The following PARD3 variants were observed in gnomAD, a reference collection of about 807,000 sequenced individuals.
The protein encoded by PARD3 is par-3 family cell polarity regulator.
PARD3 carries 75 observed loss-of-function variants against 155.4 expected under a neutral mutation model. The ratio of observed to expected loss-of-function variants is 0.48; its 90% confidence interval spans 0.40 to 0.58. The LOEUF (loss-of-function observed/expected upper bound fraction) is 0.58. Among genes scored for constraint, PARD3 ranks in the 20% least tolerant of loss-of-function variants. The pLI is 0.00. For synonymous variants in PARD3, 576 were observed against 610.5 expected, an observed-to-expected ratio of 0.94 and a Z score of 0.83; for missense variants, 1,642 against 1,721.7, an observed-to-expected ratio of 0.95 and a Z score of 0.82.
intron 5 of PARD3, among the ~76,000 whole-genome samples, chr10:34,428,326 A>T (rs926239520): frequency 6.6e-6 from 1 of 152,190 alleles, no homozygotes; most frequent in Non-Finnish European, 1.5e-5. Context: ...TCATCTACTC[A>T]CAAATACCTA....
At chr10:34,334,548 G>A (rs1209169397) in intron 18 of PARD3, among the ~76,000 whole-genome samples, 5 of 151,558 alleles carry the variant, frequency 3.3e-5, no homozygotes, top group South Asian at 4.1e-4. Context: ...GTGAAGTGAC[G>A]AAAGAAAAAT....
At chr10:34,773,170 A>G (rs1326462612) in intron 1 of PARD3, among the ~76,000 whole-genome samples, 1 of 152,238 alleles carries the variant, frequency 6.6e-6, no homozygotes, top group Non-Finnish European at 1.5e-5. Flanking sequence ...ATAAACAAAA[A>G]AAGAGAAAAT....
chr10:34,149,632 A>T (rs1207979065), intron 22 of PARD3, among the ~76,000 whole-genome samples: 1 of 152,198 alleles, frequency 6.6e-6, no homozygotes, highest in Non-Finnish European at 1.5e-5. Context: ...GCTACAGATG[A>T]TCTCACGTTT....
At chr10:34,216,469 C>G (rs921718622) in intron 22 of PARD3, among the ~76,000 whole-genome samples, 3 of 152,108 alleles carry the variant, frequency 2.0e-5, no homozygotes, top group Non-Finnish European at 2.9e-5. Context: ...GCTTGGAGTC[C>G]CCAATTTCAC....
chr10:34,340,193 T>G (rs1316853979), intron 16 of PARD3, among the ~76,000 whole-genome samples: 1 of 152,200 alleles, frequency 6.6e-6, no homozygotes, highest in Non-Finnish European at 1.5e-5. Context: ...CTATCCCTTC[T>G]ACTTATTTAT....
At chr10:34,684,878 T>C (rs7914407) in intron 2 of PARD3, among the ~76,000 whole-genome samples, 1,942 of 137,716 alleles carry the variant, frequency 0.014, 29 homozygotes, top group African/African-American at 0.034. Context: ...TACACACACA[T>C]ACACACACAC....
At chr10:34,639,985 A>ACAT (rs1278538278) in intron 2 of PARD3, among the ~76,000 whole-genome samples, 1 of 152,230 alleles carries the variant, frequency 6.6e-6, no homozygotes, top group Non-Finnish European at 1.5e-5. Flanking sequence ...TTACATACAA[A>ACAT]CATAGATAAA....
At chr10:34,159,176 T>C (rs978669683) in intron 22 of PARD3, among the ~76,000 whole-genome samples, 2 of 152,228 alleles carry the variant, frequency 1.3e-5, no homozygotes, top group Non-Finnish European at 2.9e-5. Flanking sequence ...GGCAAGAATC[T>C]AGTTCATTCT....
intron 2 of PARD3, among the ~76,000 whole-genome samples, chr10:34,627,565 C>T (rs776738043): frequency 2.0e-5 from 3 of 152,170 alleles, no homozygotes; most frequent in Non-Finnish European, 4.4e-5. Flanking sequence ...TGTGCAGACA[C>T]ACAGGGAGAA....
At position 34,510,271 on chromosome 10, in the gene PARD3, C is replaced by G. The variant is rs1182285787; in HGVS notation, c.403+6708G>C. 2.6e-5 allele frequency among the ~76,000 whole-genome samples: 4 copies of G among 152,166 alleles called. No individual in the cohort carries two copies. The East Asian group carries it at 5.8e-4, about 22-fold the overall frequency. Reference sequence around the variant, plus strand: ...CAGCAGTTTCCAATCAGAGCACACTCAAGCCTTCCCATTTCTCCATGCAAA... The same window carrying G: ...CAGCAGTTTCCAATCAGAGCACACTGAAGCCTTCCCATTTCTCCATGCAAA... On this transcript the variant is annotated intron_variant, in intron 3 of 24. Transcript: ENST00000374788.
At chr10:34,508,001 G>A (rs917352649) in intron 3 of PARD3, among the ~76,000 whole-genome samples, 2 of 152,106 alleles carry the variant, frequency 1.3e-5, no homozygotes, top group African/African-American at 4.8e-5. Flanking sequence ...ATGTTAGAAG[G>A]ACAGATCTCT....
At chr10:34,132,690 G>T (rs961900670) in intron 22 of PARD3, among the ~76,000 whole-genome samples, 6 of 152,094 alleles carry the variant, frequency 3.9e-5, no homozygotes, top group Admixed American at 2.6e-4. Context: ...GGAAATACTG[G>T]GTAGGAGAGG....
chr10:34,442,556 C>T (rs765602051), intron 5 of PARD3, among the ~76,000 whole-genome samples: 6 of 152,082 alleles, frequency 3.9e-5, no homozygotes, highest in African/African-American at 7.3e-5. Context: ...TAAAAGGCCT[C>T]ACATTCGTTA....
intron 3 of PARD3, among the ~76,000 whole-genome samples, chr10:34,487,994 T>C (rs1457818599): frequency 2.0e-5 from 3 of 152,232 alleles, no homozygotes; most frequent in Non-Finnish European, 4.4e-5. Context: ...TCAAGCATTA[T>C]TCCCCCATTT....
Position 34,139,939 on chromosome 10 carries a change from T to C in PARD3, c.3420-8356A>G, listed in dbSNP as rs149936332. On this transcript the variant is annotated intron_variant, in intron 22 of 24. Transcript: ENST00000374788. ...TGCTTCCCACTTAGATATTTTTCTA[T>C]ACTGATTAGCAATTCCATAAAATAT... Among the ~76,000 whole-genome samples, 5 of 152,352 alleles carry C rather than the reference T, an allele frequency of 3.3e-5. No individual in the cohort carries two copies. The East Asian group carries it at 9.6e-4, about 29-fold the overall frequency.
At chr10:34,693,071 G>A (rs1258992882) in intron 2 of PARD3, among the ~76,000 whole-genome samples, 1 of 152,090 alleles carries the variant, frequency 6.6e-6, no homozygotes, top group Non-Finnish European at 1.5e-5. Context: ...TGAGAAATTC[G>A]AAGAAAAAAA....
intron 3 of PARD3, among the ~76,000 whole-genome samples, chr10:34,482,612 A>G (rs763752309): frequency 1.3e-5 from 2 of 151,220 alleles, no homozygotes; most frequent in Non-Finnish European, 2.9e-5. Flanking sequence ...AGCCCAGATG[A>G]AAATAACTAA....
At chr10:34,727,633 G>A (rs1030026426) in intron 1 of PARD3, among the ~76,000 whole-genome samples, 2 of 151,914 alleles carry the variant, frequency 1.3e-5, no homozygotes, top group Admixed American at 6.6e-5. Context: ...ATGATTTATA[G>A]GCACTTTGAA....
In PARD3 at chr10:34,516,522, T is replaced by C. The variant is rs371743337; in HGVS notation, c.403+457A>G. On this transcript the variant is annotated intron_variant, in intron 3 of 24. Transcript: ENST00000374788. ...TAAGGAGGTATTCTAATCACTGCTC[T>C]CCCAAATCCCTGAAGATAACTTTGA... Among the ~76,000 whole-genome samples, 10 of 152,272 alleles carry C rather than the reference T, an allele frequency of 6.6e-5. No homozygotes were observed. In the South Asian group the frequency reaches 1.9e-3, roughly 28 times the overall value.
Sources: allele counts gnomAD v4.1 joint callset (sites outside exome capture counted in the v4.1 genomes callset), GRCh38; gene constraint gnomAD v4.1.1; transcripts MANE v1.5; gene names NCBI Gene and HGNC (gene_info 2026-07-23, HGNC 2026-07-21).